The following ARID4B variants were observed in gnomAD, a reference collection of about 807,000 sequenced individuals.
ARID4B encodes AT-rich interaction domain 4B, also known as AT-rich interactive domain-containing protein 4B.
A neutral mutation model predicts 147.5 loss-of-function variants in ARID4B; 26 were observed. That is an observed-to-expected ratio of 0.18 (90% confidence interval 0.13 to 0.24). The LOEUF (loss-of-function observed/expected upper bound fraction) is 0.24, where lower values mean the gene tolerates loss of function less well. ARID4B is among the 10% of genes least tolerant of loss of function. The pLI, the probability that ARID4B is intolerant of heterozygous loss-of-function variation, is 1.00. For synonymous variants in ARID4B, 512 were observed against 507.9 expected, an observed-to-expected ratio of 1.01 and a Z score of -0.11; for missense variants, 1,179 against 1,511.5, an observed-to-expected ratio of 0.78 and a Z score of 3.65.
chr1:235,318,951 AAGAAGTTTCTTGTTGGGAAT>A, intron 2 of ARID4B, among the ~76,000 whole-genome samples: 1 of 152,230 alleles, frequency 6.6e-6, no homozygotes, highest in Non-Finnish European at 1.5e-5. Flanking sequence ...GCTAATGGAT[AAGAAGTTTCTTGTTGGGAAT>A]TTGGAAATGT....
chr1:235,226,150 C>T (rs953969708), intron 11 of ARID4B, among the ~76,000 whole-genome samples: 21 of 152,120 alleles, frequency 1.4e-4, no homozygotes, highest in Admixed American at 6.5e-5. Flanking sequence ...TTTGCTTTTA[C>T]AAAAACACTT....
In ARID4B at chr1:235,182,656, T is replaced by C; in HGVS notation, c.2263A>G (p.Asn755Asp). ...TTTTCTTCTAGCAAAGATGAACTGT[T>C]CTGTTCCTCCTTTGAAATAAGATCA... ...RNDLISKEEQNSSSLLEENKV... is the reference protein window; with the variant it reads ...RNDLISKEEQDSSSLLEENKV... The change falls in exon 20 of 24, where the codon AAC becomes GAC. Residue 755 changes from asparagine to aspartate, a missense_variant. Physicochemically the swap from Asn to Asp is conservative, Grantham distance 23. Coordinates refer to ENST00000264183, the MANE Select transcript of ARID4B (RefSeq NM_016374.6). The C allele has an allele frequency of 6.2e-7, 1 of 1,613,910 alleles. No individual in the cohort carries two copies. Among genetic ancestry groups the C allele is most frequent in the Non-Finnish European group, 8.5e-7 (1 of 1,180,022 alleles).
intron 2 of ARID4B, among the ~76,000 whole-genome samples, chr1:235,274,382 A>G (rs1671186884): frequency 6.6e-6 from 1 of 152,034 alleles, no homozygotes; most frequent in Non-Finnish European, 1.5e-5. Flanking sequence ...CAAAAATAAT[A>G]AATAAATAAA....
At chr1:235,200,932 A>G (rs1392609852) in intron 17 of ARID4B, among the ~76,000 whole-genome samples, 2 of 152,156 alleles carry the variant, frequency 1.3e-5, no homozygotes, top group African/African-American at 2.4e-5. Flanking sequence ...TCACAAGATC[A>G]GGTGTTCAAC....
intron 7 of ARID4B, among the ~76,000 whole-genome samples, chr1:235,243,598 CT>C (rs1299012407): frequency 6.6e-6 from 1 of 152,130 alleles, no homozygotes; most frequent in Non-Finnish European, 1.5e-5. Context: ...TCACTATTAA[CT>C]CTAATTAGTT....
At chr1:235,186,465 C>T (rs958775952) in intron 19 of ARID4B, among the ~76,000 whole-genome samples, 3 of 150,688 alleles carry the variant, frequency 2.0e-5, no homozygotes, top group African/African-American at 4.9e-5. Flanking sequence ...GGCTGGAGTG[C>T]GCTGGCAAGA....
intron 2 of ARID4B, among the ~76,000 whole-genome samples, chr1:235,306,196 C>G (rs751761380): frequency 3.3e-5 from 5 of 152,016 alleles, no homozygotes; most frequent in Non-Finnish European, 5.9e-5. Context: ...GCAATAAAGA[C>G]AAATTTAGAA....
At position 235,220,423 on chromosome 1, in the gene ARID4B, T is replaced by A; in HGVS notation, c.1286A>T (p.Lys429Met). Residue 429 changes from lysine to methionine, a missense_variant, in exon 15 of 24, where the codon AAG (lysine) becomes ATG (methionine). By Grantham distance (95) the Lys-to-Met change is moderately conservative (BLOSUM62 -1). This residue lies in a region of ARID4B where 204 missense variants were observed against 210.9 expected (regional missense o/e 0.97). Transcript: ENST00000264183. Reference protein sequence around the residue: ...ECENVKEIKVKEENETEIKEI... With the variant: ...ECENVKEIKVMEENETEIKEI... The stretch of plus-strand genomic sequence containing the variant: ...TTTGATCTCTGTTTCATTTTCCTCC[T>A]TAACTTTTATTTCTTTTACATTTTC... 3 of 1,612,584 alleles carry A rather than the reference T, an allele frequency of 1.9e-6. No homozygotes were observed. The highest frequency in any genetic ancestry group is 2.5e-6 in the Non-Finnish European group (3 of 1,178,804).
intron 2 of ARID4B, among the ~76,000 whole-genome samples, chr1:235,324,790 A>C (rs1675103587): frequency 6.6e-6 from 1 of 152,162 alleles, no homozygotes; most frequent in African/African-American, 2.4e-5. Flanking sequence ...TACAAAAATT[A>C]GCCAGGTGTG....
intron 2 of ARID4B, among the ~76,000 whole-genome samples, chr1:235,277,589 TTATATTGTGTGTG>T (rs1389506324): frequency 1.5e-5 from 2 of 133,924 alleles, no homozygotes; most frequent in Non-Finnish European, 3.1e-5. Context: ...TTTTAATGCC[TTATATTGTGTGTG>T]TGTGTGTGTG....
chr1:235,174,565 C>A (rs1663712267), intron 22 of ARID4B, among the ~76,000 whole-genome samples: 1 of 151,988 alleles, frequency 6.6e-6, no homozygotes, highest in Non-Finnish European at 1.5e-5. Flanking sequence ...CTTTGCGAGG[C>A]AGAGGCGGAT....
chr1:235,199,611 G>T (rs563834959), intron 17 of ARID4B, among the ~76,000 whole-genome samples: 1 of 152,164 alleles, frequency 6.6e-6, no homozygotes, highest in Non-Finnish European at 1.5e-5. Context: ...CGAAAATAAC[G>T]GTAGGGGGCA....
At chr1:235,225,831 A>G (rs1459827236) in intron 11 of ARID4B, among the ~76,000 whole-genome samples, 1 of 152,232 alleles carries the variant, frequency 6.6e-6, no homozygotes, top group Non-Finnish European at 1.5e-5. Context: ...AGTACAACAA[A>G]GAAAGGTAAT....
chr1:235,310,720 T>G (rs1426938200), intron 2 of ARID4B, among the ~76,000 whole-genome samples: 1 of 152,128 alleles, frequency 6.6e-6, no homozygotes, highest in African/African-American at 2.4e-5. Context: ...TAGGCTGGAG[T>G]ACAGTGGCTG....
chr1:235,312,048 G>C (rs1180334281), intron 2 of ARID4B, among the ~76,000 whole-genome samples: 1 of 152,108 alleles, frequency 6.6e-6, no homozygotes, highest in Admixed American at 6.5e-5. Flanking sequence ...CCAGCACTTT[G>C]GGAGGCCGAG....
At chr1:235,189,603 A>T (rs78733158) in intron 19 of ARID4B, among the ~76,000 whole-genome samples, 6,126 of 152,032 alleles carry the variant, frequency 0.04, 455 homozygotes, top group African/African-American at 0.14. Flanking sequence ...CCAAAGAAAG[A>T]TAACAGCCAA....
chr1:235,301,371 TTACAAAAAA>T (rs1486772576), intron 2 of ARID4B, among the ~76,000 whole-genome samples: 3 of 151,180 alleles, frequency 2.0e-5, no homozygotes, highest in Non-Finnish European at 4.4e-5. Flanking sequence ...AACCTTGTCT[TTACAAAAAA>T]TACAAAAAAT....
At chr1:235,323,221 G>A (rs1674974272) in intron 2 of ARID4B, among the ~76,000 whole-genome samples, 1 of 151,694 alleles carries the variant, frequency 6.6e-6, no homozygotes, top group South Asian at 2.1e-4. Flanking sequence ...TATACTTTTA[G>A]TAGAGACGGG....
At chr1:235,272,098 C>T (rs1199950062) in intron 2 of ARID4B, among the ~76,000 whole-genome samples, 5 of 152,112 alleles carry the variant, frequency 3.3e-5, no homozygotes, top group Non-Finnish European at 2.9e-5. Context: ...AATTACTTGT[C>T]TAGTGACCAA....
Sources: gnomAD v4.1 joint callset for allele counts (sites outside exome capture counted in the v4.1 genomes callset) on GRCh38, gnomAD v4.1.1 for gene constraint, gnomAD v4.1.1 regional missense constraint, MANE v1.5 for transcripts, NCBI Gene and HGNC (gene_info 2026-07-23, HGNC 2026-07-21) for gene names.